The following HAMP variants were observed in gnomAD, a reference collection of about 807,000 sequenced individuals.
The protein encoded by HAMP is hepcidin.
HAMP carries 5 observed loss-of-function variants against 7.8 expected under a neutral mutation model. The ratio of observed to expected loss-of-function variants is 0.64; its 90% CI spans 0.33 to 1.34. The LOEUF is 1.34. HAMP is among the 40% of genes most tolerant of loss of function. HAMP has a pLI of 0.05. For missense variants in HAMP, 105 were observed against 104.1 expected (o/e 1.01, Z -0.04); for synonymous variants, 52 against 38.6 (o/e 1.35, Z -1.28).
At chr19:35,282,743 G>A (rs2066309835) in intron 1 of HAMP, 76 bp downstream of exon 1, 5 of 1,150,918 alleles carry the variant, frequency 4.3e-6, no homozygotes, top group Admixed American at 1.7e-5. Flanking sequence ...GGGCACTGGA[G>A]ACACCCGAGC....
chr19:35,282,824 A>G (rs2066310124), intron 1 of HAMP, 157 bp downstream of exon 1: 1 of 677,444 alleles, frequency 1.5e-6, no homozygotes. Context: ...ACGGTGGCTC[A>G]TGCCTGTAAT....
intron 1 of HAMP, 71 bp from the exon 2 acceptor site, chr19:35,284,718 G>C: frequency 9.5e-6 from 11 of 1,159,928 alleles, no homozygotes; most frequent in Non-Finnish European, 1.4e-5. Context: ...AGAGGAGCAG[G>C]TTGCCGGGAG....
At chr19:35,284,186 T>C (rs10416533) in intron 1 of HAMP, 22,407 of 157,546 alleles carry the variant, frequency 0.14, 1,702 homozygotes, top group Admixed American at 0.19. Context: ...GGCTCACACC[T>C]GTAATCCCAG....
chr19:35,284,348 G>C (rs2066316466), intron 1 of HAMP: 1 of 204,248 alleles, frequency 4.9e-6, no homozygotes, highest in African/African-American at 2.3e-5. Context: ...GGGAAGCTGA[G>C]GCGGGAGCAT....
Position 35,285,052 on chromosome 19 carries a change from G to T in HAMP, c.*10G>T. The T allele has an allele frequency of 6.4e-7, 1 of 1,553,674 alleles. No individual in the cohort carries two copies. Among genetic ancestry groups the T allele is most frequent in the Non-Finnish European group, 8.9e-7 (1 of 1,124,630 alleles). Reference sequence around the variant, plus strand: ...GTGCTGCAAGACGTAGAACCTACCTGCCCTGCCCCCGTCCCCTCCCTTCCT... The same window carrying T: ...GTGCTGCAAGACGTAGAACCTACCTTCCCTGCCCCCGTCCCCTCCCTTCCT... On this transcript the variant is annotated 3_prime_UTR_variant, in exon 3 of 3. Transcript: ENST00000222304.
chr19:35,284,866 G>A lies in HAMP; in HGVS notation c.150+18G>A. ...GCTGGATGGTGAGCGCAACAGTGAT[G>A]CCTTTCCTAGCCCCCTGCTCCCTCC... is the stretch of plus-strand genomic sequence containing the variant. On this transcript the variant is annotated intron_variant, in intron 2 of 2. Transcript: ENST00000222304. 1.2e-6 allele frequency: 2 copies of A among 1,610,558 alleles called. No homozygotes were observed. Among genetic ancestry groups the A allele is most frequent in the Non-Finnish European group, 1.7e-6 (2 of 1,176,788 alleles).
Position 35,285,096 on chromosome 19 carries a change from CAGAACAT to C in HAMP, c.*57_*63del. Reference sequence around the variant, plus strand: ...CCTTCCTTATTTATTCCTGCTGCCCCAGAACATAGGTCTTGGAATAAAATGGCTGGTT... The same window carrying C: ...CCTTCCTTATTTATTCCTGCTGCCCCAGGTCTTGGAATAAAATGGCTGGTT... On this transcript the variant is annotated 3_prime_UTR_variant, in exon 3 of 3. Coordinates refer to ENST00000222304, the MANE Select transcript of HAMP (RefSeq NM_021175.4). 1 of 1,116,652 alleles carries C rather than the reference CAGAACAT, an allele frequency of 9.0e-7. No homozygotes were observed. Among genetic ancestry groups the C allele is most frequent in the East Asian group, 2.3e-5 (1 of 42,644 alleles). 69.2% of individuals were successfully genotyped at this position (1,116,652 alleles called of 1,614,324 possible).
rs530589051 is a variant in HAMP at position 35,282,901 on chromosome 19, A to G, written c.90+234A>G. On this transcript the variant is annotated intron_variant, in intron 1 of 2. Transcript: ENST00000222304. The stretch of plus-strand genomic sequence containing the variant: ...TCAGTTTGAGACCAGCCTGGCCAAC[A>G]TGGTAAAACCCCGTCTCTACTAAAA... 61 of 509,410 alleles carry G rather than the reference A, an allele frequency of 1.2e-4. 2 individuals are homozygous for G. The highest frequency in any genetic ancestry group is 5.8e-4 in the South Asian group (29 of 49,708). 31.6% of individuals were successfully genotyped at this position (509,410 alleles called of 1,614,324 possible).
intron 1 of HAMP, chr19:35,283,434 T>G (rs1311148226): frequency 6.6e-6 from 1 of 152,250 alleles, no homozygotes; most frequent in Non-Finnish European, 1.5e-5. Context: ...AGTGCAGTGG[T>G]GCAGTCATAG....
rs776364235 is a variant in HAMP at position 35,282,643 on chromosome 19, C to T, written c.66C>T (p.Thr22=). ...TCCTCCTCCTCCTCGCCAGCCTGAC[C>T]AGTGGCTCTGTTTTCCCACAACAGG... is the stretch of plus-strand genomic sequence containing the variant. ...LLLLLLLASL[T]SGSVFPQQTG... is the part of the protein sequence containing the mutation. Residue 22 remains threonine, a synonymous_variant, in exon 1 of 3, where the codon ACC becomes ACT. Coordinates refer to ENST00000222304, the MANE Select transcript of HAMP (RefSeq NM_021175.4). 2 of 1,614,084 alleles carry T rather than the reference C, an allele frequency of 1.2e-6. No individual in the cohort carries two copies. The highest frequency in any genetic ancestry group is 1.6e-4 in the Middle Eastern group (1 of 6,062).
chr19:35,284,886 C>T (rs773428762), intron 2 of HAMP, 38 bp downstream of exon 2: 2 of 1,606,418 alleles, frequency 1.2e-6, no homozygotes, highest in East Asian at 4.5e-5. Flanking sequence ...GCCCCCTGCT[C>T]CCTCCCCATG....
chr19:35,284,895 T>C (rs766347661), intron 2 of HAMP, 43 bp from the exon 3 acceptor site: 43 of 1,607,290 alleles, frequency 2.7e-5, no homozygotes, highest in Non-Finnish European at 3.6e-5. Context: ...TCCCTCCCCA[T>C]GCTAAGGCCG....
intron 1 of HAMP, chr19:35,284,238 A>T (rs147479679): frequency 6.1e-6 from 1 of 163,360 alleles, no homozygotes; most frequent in African/African-American, 2.4e-5. Context: ...TGAGCCCAGG[A>T]GTTCAAGACC....
Position 35,282,613 on chromosome 19 carries a change from C to G in HAMP, c.36C>G (p.Leu12=), listed in dbSNP as rs768305190. The G allele has an allele frequency of 6.2e-7, 1 of 1,614,002 alleles. No individual in the cohort carries two copies. The highest frequency in any genetic ancestry group is 8.5e-7 in the Non-Finnish European group (1 of 1,179,980). ...ALSSQIWAAC[L]LLLLLLASLT... is the part of the protein sequence containing the mutation. ...GCTCCCAGATCTGGGCCGCTTGCCT[C>G]CTGCTCCTCCTCCTCCTCGCCAGCC... Residue 12 remains leucine, a synonymous_variant, in exon 1 of 3, where the codon CTC becomes CTG. Coordinates refer to ENST00000222304, the MANE Select transcript of HAMP (RefSeq NM_021175.4).
In HAMP at chr19:35,282,619, C is replaced by G. The variant is rs373178250; in HGVS notation, c.42C>G (p.Leu14=). 1.4e-5 allele frequency: 23 copies of G among 1,591,666 alleles called. No individual in the cohort carries two copies. The highest frequency in any genetic ancestry group is 4.0e-5 in the African/African-American group (3 of 74,556). ...SSQIWAACLL[L]LLLLASLTSG... is the part of the protein sequence containing the mutation. ...AGATCTGGGCCGCTTGCCTCCTGCT[C>G]CTCCTCCTCCTCGCCAGCCTGACCA... The change falls in exon 1 of 3, where the codon CTC becomes CTG. Residue 14 remains leucine (L), a synonymous_variant. Coordinates refer to ENST00000222304, the MANE Select transcript of HAMP (RefSeq NM_021175.4).
chr19:35,283,253 A>T, intron 1 of HAMP: 1 of 169,388 alleles, frequency 5.9e-6, no homozygotes, highest in Non-Finnish European at 1.3e-5. Flanking sequence ...CTGGTCAGGG[A>T]ATTTGTTAAA....
In HAMP at chr19:35,284,804, G is replaced by A. The variant is rs755419724; in HGVS notation, c.106G>A (p.Glu36Lys). 7 of 1,614,008 alleles carry A rather than the reference G, an allele frequency of 4.3e-6. No homozygotes were observed. Among genetic ancestry groups the A allele is most frequent in the Non-Finnish European group, 5.9e-6 (7 of 1,179,898 alleles). The change falls in exon 2 of 3, where the codon GAG becomes AAG. Residue 36 changes from glutamate to lysine, a missense_variant. Glu to Lys is a moderately conservative substitution (Grantham distance 56). Coordinates refer to ENST00000222304, the MANE Select transcript of HAMP (RefSeq NM_021175.4). ...GCTTTCACAGACGGGACAACTTGCA[G>A]AGCTGCAACCCCAGGACAGAGCTGG... ...VFPQQTGQLA[E>K]LQPQDRAGAR...
intron 1 of HAMP, chr19:35,282,922 TA>T (rs771618140): frequency 1.1e-5 from 5 of 450,722 alleles, no homozygotes; most frequent in Non-Finnish European, 1.7e-5. Flanking sequence ...CCGTCTCTAC[TA>T]AAAATACAAA....
At chr19:35,284,591 A>C (rs370264621) in intron 1 of HAMP, 198 bp from the exon 2 acceptor site, 10 of 600,576 alleles carry the variant, frequency 1.7e-5, no homozygotes, top group African/African-American at 7.6e-5. Context: ...AAAGAGGAGG[A>C]GGCGGATCTG....
Sources: gnomAD v4.1 joint callset for allele counts on GRCh38, gnomAD v4.1.1 for gene constraint, MANE v1.5 for transcripts, NCBI Gene and HGNC (gene_info 2026-07-23, HGNC 2026-07-21) for gene names.